The following CPLX2 variants were observed in gnomAD, a reference collection of about 807,000 sequenced individuals.
CPLX2 encodes complexin 2, also known as complexin-2.
Under a neutral mutation model 16.3 loss-of-function variants are expected in CPLX2, and 5 were observed. The observed-to-expected ratio is 0.31, with a 90% CI of 0.16 to 0.64. The LOEUF (loss-of-function observed/expected upper bound fraction) is 0.64, where lower values mean the gene tolerates loss of function less well. Among genes scored for constraint, CPLX2 ranks in the 30% least tolerant of loss-of-function variants. CPLX2 has a pLI of 0.79. For synonymous variants in CPLX2, 89 were observed against 73.2 expected, an observed-to-expected ratio of 1.22 and a Z score of -1.10; for missense variants, 144 against 181.4, an observed-to-expected ratio of 0.79 and a Z score of 1.18.
At position 175,803,089 on chromosome 5, in the gene CPLX2, G is replaced by A. The variant is rs181094410; in HGVS notation, c.-168-5900G>A. ...TCAGGTGATCCGTTTGCTGGGATCC[G>A]AAGTGCTGGGATTACAGGCATGAGC... On this transcript the variant is annotated intron_variant, in intron 1 of 4. Coordinates refer to the CPLX2 transcript ENST00000359546. Among the ~76,000 whole-genome samples the A allele has an allele frequency of 6.0e-3, 919 of 152,188 alleles. 6 individuals carry two copies. Among genetic ancestry groups the A allele is most frequent in the South Asian group, 0.026 (123 of 4,812 alleles).
chr5:175,866,066 C>T (rs1759470910), intron 2 of CPLX2, among the ~76,000 whole-genome samples: 1 of 152,210 alleles, frequency 6.6e-6, no homozygotes, highest in Admixed American at 6.5e-5. Context: ...TCTTTCTGAG[C>T]ATGCATGGGT....
At chr5:175,802,877 A>G (rs1010504206) in intron 1 of CPLX2, among the ~76,000 whole-genome samples, 2 of 150,708 alleles carry the variant, frequency 1.3e-5, no homozygotes, top group African/African-American at 4.9e-5. Context: ...TGTCACCCAG[A>G]CTGGAGTGCA....
chr5:175,858,219 G>T (rs1459671530), intron 2 of CPLX2, among the ~76,000 whole-genome samples: 1 of 152,212 alleles, frequency 6.6e-6, no homozygotes, highest in Non-Finnish European at 1.5e-5. Context: ...GACCCTCCTG[G>T]AGCCCCAAAG....
At chr5:175,851,023 G>A (rs1355786626) in intron 2 of CPLX2, among the ~76,000 whole-genome samples, 1 of 151,930 alleles carries the variant, frequency 6.6e-6, no homozygotes, top group African/African-American at 2.4e-5. Context: ...GCAGACCAGG[G>A]ATTTGAGCTT....
chr5:175,848,713 A>C (rs759932148), intron 2 of CPLX2, among the ~76,000 whole-genome samples: 6 of 152,232 alleles, frequency 3.9e-5, no homozygotes, highest in Non-Finnish European at 8.8e-5. Flanking sequence ...AGAGTAGTGC[A>C]ATAGGAAGTG....
intron 2 of CPLX2, among the ~76,000 whole-genome samples, chr5:175,821,865 G>C (rs1053275826): frequency 5.9e-5 from 9 of 152,236 alleles, no homozygotes; most frequent in Non-Finnish European, 1.0e-4. Context: ...GATGAGTCAT[G>C]TACCTAAATA....
At chr5:175,878,151 A>G (rs1755451431) in intron 1 of CPLX2, 1 of 152,534 alleles carries the variant, frequency 6.6e-6, no homozygotes, top group Non-Finnish European at 1.5e-5. Context: ...CTGGGGCAGT[A>G]ACACCGGCTG....
chr5:175,804,079 AT>A lies in CPLX2; in HGVS notation c.-168-4901del, dbSNP rs374697834. On this transcript the variant is annotated intron_variant, in intron 1 of 4. Coordinates refer to the CPLX2 transcript ENST00000359546. ...ATTAAGATAAATAACTTTTTATGCA[AT>A]TTTTTTTTAAATTAATGCAAAAAAA... Among the ~76,000 whole-genome samples the A allele has an allele frequency of 5.6e-3, 854 of 151,964 alleles. 5 individuals carry two copies. The highest frequency in any genetic ancestry group is 0.026 in the South Asian group (124 of 4,824).
At chr5:175,798,331 C>T (rs921590890) in intron 1 of CPLX2, among the ~76,000 whole-genome samples, 2 of 152,234 alleles carry the variant, frequency 1.3e-5, no homozygotes, top group Non-Finnish European at 2.9e-5. Flanking sequence ...TGCTATCATA[C>T]TTTCTGTAAA....
chr5:175,822,971 G>C lies in CPLX2; in HGVS notation c.-89+13903G>C, dbSNP rs77973481. 3.8e-3 allele frequency among the ~76,000 whole-genome samples: 583 copies of C among 152,350 alleles called. 7 individuals are homozygous for C. Among genetic ancestry groups the C allele is most frequent in the African/African-American group, 0.013 (551 of 41,582 alleles). ...ATGGCTGTTACGAATCAAGCTCCTT[G>C]AGCAACGGAGACAAGAAACACAGGG... On this transcript the variant is annotated intron_variant, in intron 2 of 4. Coordinates refer to the CPLX2 transcript ENST00000359546.
At chr5:175,839,580 C>G (rs1581085997) in intron 2 of CPLX2, among the ~76,000 whole-genome samples, 1 of 152,340 alleles carries the variant, frequency 6.6e-6, no homozygotes, top group African/African-American at 2.4e-5. Context: ...GCCACCTCAT[C>G]CGGCCTCAAC....
chr5:175,811,077 A>T (rs933459534), intron 2 of CPLX2, among the ~76,000 whole-genome samples: 5 of 152,208 alleles, frequency 3.3e-5, no homozygotes, highest in Non-Finnish European at 7.3e-5. Flanking sequence ...TACTCTGAGG[A>T]TTAAATGAGA....
At chr5:175,836,472 C>CGACTT (rs1180365529) in intron 2 of CPLX2, among the ~76,000 whole-genome samples, 1 of 152,240 alleles carries the variant, frequency 6.6e-6, no homozygotes, top group Non-Finnish European at 1.5e-5. Flanking sequence ...TTACTCAAGT[C>CGACTT]CACAGGGAGC....
rs1043962994 is a variant in CPLX2, at chr5:175,809,708, C to T, written c.-89+640C>T. Reference sequence around the variant, plus strand: ...CTCCTCTTCCAGGTGGCCGGCCAAGCTCGGATCACACCCGGCATCCCTCAT... The same window carrying T: ...CTCCTCTTCCAGGTGGCCGGCCAAGTTCGGATCACACCCGGCATCCCTCAT... On this transcript the variant is annotated intron_variant, in intron 2 of 4. Coordinates refer to the CPLX2 transcript ENST00000359546. The surrounding 1 kb of genome is among the most constrained non-coding windows in gnomAD (Gnocchi z 4.4). Among the ~76,000 whole-genome samples, 3 of 152,142 alleles carry T rather than the reference C, an allele frequency of 2.0e-5. No homozygotes were observed. Among genetic ancestry groups the T allele is most frequent in the African/African-American group, 7.2e-5 (3 of 41,428 alleles).
intron 2 of CPLX2, among the ~76,000 whole-genome samples, chr5:175,859,958 T>C (rs1759330859): frequency 6.6e-6 from 1 of 152,208 alleles, no homozygotes; most frequent in Non-Finnish European, 1.5e-5. Flanking sequence ...AGAAACCTAA[T>C]TCAGAGCAAC....
chr5:175,852,198 G>A (rs1759170247), intron 2 of CPLX2, among the ~76,000 whole-genome samples: 1 of 152,186 alleles, frequency 6.6e-6, no homozygotes, highest in African/African-American at 2.4e-5. Context: ...ACCCCAGGTG[G>A]TTACGAATAA....
chr5:175,868,337 A>G (rs1168439404), upstream of CPLX2, among the ~76,000 whole-genome samples: 1 of 152,164 alleles, frequency 6.6e-6, no homozygotes, highest in East Asian at 1.9e-4. Context: ...TTCCTCACAC[A>G]TTGTTCCTCG....
At chr5:175,797,183 C>G (rs1260639684) in intron 1 of CPLX2, among the ~76,000 whole-genome samples, 1 of 152,204 alleles carries the variant, frequency 6.6e-6, no homozygotes, top group Non-Finnish European at 1.5e-5. Context: ...CCGGCGGCAC[C>G]GCGAACCGCG....
chr5:175,814,468 G>A (rs1758368772), intron 2 of CPLX2, among the ~76,000 whole-genome samples: 1 of 152,176 alleles, frequency 6.6e-6, no homozygotes, highest in African/African-American at 2.4e-5. Context: ...GTGGTCCAGT[G>A]GTTGATCATA....
Sources: allele counts gnomAD v4.1 joint callset (sites outside exome capture counted in the v4.1 genomes callset), GRCh38; gene constraint gnomAD v4.1.1; non-coding constraint Gnocchi (gnomAD v3.1); transcripts MANE v1.5; gene names NCBI Gene and HGNC (gene_info 2026-07-23, HGNC 2026-07-21).